The following DGKB variants were observed in gnomAD, a reference collection of about 807,000 sequenced individuals.
DGKB encodes the protein diacylglycerol kinase beta.
Under a neutral mutation model 114.3 loss-of-function variants are expected in DGKB, and 67 were observed. That is an observed-to-expected ratio of 0.59 (90% CI 0.48 to 0.72). DGKB has a LOEUF of 0.72. Ranked by LOEUF, DGKB falls within the 30% of genes least tolerant of loss-of-function variation. The pLI is 0.00. For synonymous variants in DGKB, 398 were observed against 323.1 expected (o/e 1.23, Z -2.49); for missense variants, 907 against 975.2 (o/e 0.93, Z 0.93).
At chr7:14,575,776 GTTCA>G (rs1275718297) in intron 19 of DGKB, among the ~76,000 whole-genome samples, 2 of 151,946 alleles carry the variant, frequency 1.3e-5, no homozygotes, top group Admixed American at 1.3e-4. Flanking sequence ...ATTTTTTTCT[GTTCA>G]TTATTTAATT....
chr7:14,338,525 A>G lies in DGKB; in HGVS notation c.2112T>C (p.Phe704=). The G allele has an allele frequency of 6.4e-7, 1 of 1,558,400 alleles. No homozygotes were observed. Among genetic ancestry groups the G allele is most frequent in the South Asian group, 1.2e-5 (1 of 81,092 alleles). Residue 704 remains phenylalanine (F), a synonymous_variant, in exon 23 of 26, where the codon TTT becomes TTC. Transcript: ENST00000402815. ...TGTTAGAAAACTGACCTTGACTTGC[A>G]AACTTCAACTCTTTGGCATCTGTGA... ...TTVTDAKELK[F]ASQDLSDQLL...
chr7:14,250,608 T>C (rs1795089859), intron 23 of DGKB, among the ~76,000 whole-genome samples: 1 of 152,194 alleles, frequency 6.6e-6, no homozygotes, highest in African/African-American at 2.4e-5. Context: ...GAACAGAATG[T>C]GCATTCTGCT....
rs541887325 is a variant in DGKB, at chr7:14,788,279, G to T, written c.71-30548C>A. On this transcript the variant is annotated intron_variant, in intron 2 of 25. Transcript: ENST00000402815. ...GCTCAGGTGTACAGAATCTTTCTAA[G>T]CCTGAGGATGCAGCAGAAGATCTGA... 4.6e-5 allele frequency among the ~76,000 whole-genome samples: 7 copies of T among 152,316 alleles called. No homozygotes were observed. The East Asian group carries it at 1.4e-3, about 29-fold the overall frequency.
At chr7:14,424,894 C>A (rs1197843588) in intron 21 of DGKB, among the ~76,000 whole-genome samples, 1 of 152,084 alleles carries the variant, frequency 6.6e-6, no homozygotes, top group African/African-American at 2.4e-5. Context: ...AAGGTCATAT[C>A]CTTATTGCCA....
chr7:14,458,385 T>C (rs1309278110), intron 21 of DGKB, among the ~76,000 whole-genome samples: 1 of 152,150 alleles, frequency 6.6e-6, no homozygotes, highest in African/African-American at 2.4e-5. Context: ...GTTAATAATA[T>C]AGTGTGCCCA....
At chr7:14,257,883 T>C (rs751402726) in intron 23 of DGKB, among the ~76,000 whole-genome samples, 1 of 152,058 alleles carries the variant, frequency 6.6e-6, no homozygotes, top group Non-Finnish European at 1.5e-5. Flanking sequence ...CCCACCACCA[T>C]GCTCGGCTAA....
intron 1 of DGKB, among the ~76,000 whole-genome samples, chr7:14,864,642 A>G (rs1274110863): frequency 6.6e-6 from 1 of 152,200 alleles, no homozygotes; most frequent in Non-Finnish European, 1.5e-5. Context: ...AGAAAATAGG[A>G]TATCAGAGCA....
At chr7:14,530,987 T>G (rs567145250) in intron 20 of DGKB, among the ~76,000 whole-genome samples, 1 of 151,634 alleles carries the variant, frequency 6.6e-6, no homozygotes, top group East Asian at 1.9e-4. Flanking sequence ...CCATGATAAC[T>G]TTAGACCATT....
chr7:14,240,678 T>C (rs1793508549), intron 23 of DGKB, among the ~76,000 whole-genome samples: 2 of 152,106 alleles, frequency 1.3e-5, no homozygotes, highest in Admixed American at 1.3e-4. Flanking sequence ...GTTTCTGCCA[T>C]GTGGGTCTCC....
chr7:14,794,358 A>T (rs1841106942), intron 2 of DGKB, among the ~76,000 whole-genome samples: 1 of 152,172 alleles, frequency 6.6e-6, no homozygotes. Flanking sequence ...ATGGAGATAT[A>T]GAAAATATCT....
intron 3 of DGKB, 25 bp from the exon 4 acceptor site, chr7:14,753,973 T>G: frequency 6.8e-7 from 1 of 1,461,208 alleles, no homozygotes; most frequent in Non-Finnish European, 9.4e-7. Context: ...AAAGAAAGAA[T>G]ACATGTGTTA....
At chr7:14,277,960 C>A (rs1343122034) in intron 23 of DGKB, among the ~76,000 whole-genome samples, 2 of 152,120 alleles carry the variant, frequency 1.3e-5, no homozygotes, top group African/African-American at 4.8e-5. Flanking sequence ...TTATAAACAC[C>A]ATTTTAACAG....
At chr7:14,246,392 A>G (rs980139196) in intron 23 of DGKB, among the ~76,000 whole-genome samples, 2 of 152,148 alleles carry the variant, frequency 1.3e-5, no homozygotes, top group Non-Finnish European at 2.9e-5. Flanking sequence ...CACAGCTGGT[A>G]AGTGAAGGAG....
chr7:14,242,175 T>A (rs116116450), intron 23 of DGKB, among the ~76,000 whole-genome samples: 3,511 of 152,244 alleles, frequency 0.023, 132 homozygotes, highest in African/African-American at 0.081. Context: ...CTGACATAAT[T>A]TTCCTTCACA....
At chr7:14,718,000 A>T (rs1260026262) in intron 6 of DGKB, among the ~76,000 whole-genome samples, 1 of 152,350 alleles carries the variant, frequency 6.6e-6, no homozygotes, top group Middle Eastern at 3.4e-3. Flanking sequence ...TAAATTTAAG[A>T]AACAAAGCTA....
intron 20 of DGKB, among the ~76,000 whole-genome samples, chr7:14,492,344 G>T: frequency 6.6e-6 from 1 of 151,956 alleles, no homozygotes; most frequent in Non-Finnish European, 1.5e-5. Flanking sequence ...AGGGTGGGGG[G>T]TGATGGCTGG....
intron 2 of DGKB, among the ~76,000 whole-genome samples, chr7:14,836,362 T>C (rs1847158417): frequency 6.6e-6 from 1 of 152,198 alleles, no homozygotes; most frequent in Non-Finnish European, 1.5e-5. Flanking sequence ...AATAACATAG[T>C]ATTTTTCGAA....
At chr7:14,831,411 T>C (rs796792846) in intron 2 of DGKB, among the ~76,000 whole-genome samples, 29 of 152,150 alleles carry the variant, frequency 1.9e-4, no homozygotes, top group African/African-American at 7.0e-4. Flanking sequence ...ATTCCAAGGA[T>C]GTTTTTGTAG....
chr7:14,342,458 T>G (rs939642653), intron 22 of DGKB, among the ~76,000 whole-genome samples: 2 of 151,928 alleles, frequency 1.3e-5, no homozygotes, highest in East Asian at 3.9e-4. Flanking sequence ...TAAAATATTT[T>G]CTTGTAATTT....
Sources: allele counts gnomAD v4.1 joint callset (sites outside exome capture counted in the v4.1 genomes callset), GRCh38; gene constraint gnomAD v4.1.1; transcripts MANE v1.5; gene names NCBI Gene and HGNC (gene_info 2026-07-23, HGNC 2026-07-21).